The following SDK1 variants were observed in gnomAD, a reference collection of about 807,000 sequenced individuals.
The protein encoded by SDK1 is sidekick cell adhesion molecule 1, also known as protein sidekick-1.
SDK1 carries 157 observed loss-of-function variants against 245.5 expected under a neutral mutation model. That is an observed-to-expected ratio of 0.64 (90% CI 0.56 to 0.73). The LOEUF (loss-of-function observed/expected upper bound fraction) is 0.73, where lower values mean the gene tolerates loss of function less well. SDK1 is among the 30% of genes least tolerant of loss of function. The pLI is 0.00. For synonymous variants in SDK1, 1,647 were observed against 1,278.5 expected (o/e 1.29, Z -6.15); for missense variants, 3,583 against 3,002.3 (o/e 1.19, Z -4.52).
At chr7:3,556,026 A>T (rs1298759761) in intron 1 of SDK1, among the ~76,000 whole-genome samples, 1 of 152,178 alleles carries the variant, frequency 6.6e-6, no homozygotes, top group African/African-American at 2.4e-5. Context: ...CAAAAAAGTA[A>T]AAATAGAGCT....
chr7:4,141,131 G>C (rs1286941326), intron 28 of SDK1, among the ~76,000 whole-genome samples: 1 of 152,206 alleles, frequency 6.6e-6, no homozygotes, highest in Admixed American at 6.5e-5. Context: ...TATCCTCCAA[G>C]GCAAGTGAGG....
intron 1 of SDK1, among the ~76,000 whole-genome samples, chr7:3,364,823 GT>G (rs2128561581): frequency 6.6e-6 from 1 of 152,180 alleles, no homozygotes; most frequent in South Asian, 2.1e-4. Context: ...AAATCTTGCT[GT>G]GATTTTGATA....
intron 1 of SDK1, among the ~76,000 whole-genome samples, chr7:3,612,980 T>C (rs973444905): frequency 1.3e-5 from 2 of 152,236 alleles, no homozygotes; most frequent in South Asian, 2.1e-4. Context: ...TTATTCATTA[T>C]CTCTTTAAAA....
rs140778105 is a variant in SDK1 at position 3,794,684 on chromosome 7, G to A, written c.714-26766G>A. Among the ~76,000 whole-genome samples, 877 of 152,246 alleles carry A rather than the reference G, an allele frequency of 5.8e-3. 6 individuals are homozygous for A. The highest frequency in any genetic ancestry group is 0.02 in the African/African-American group (820 of 41,534). ...AGCAAGAAGGCCCTCCCCAGATATA[G>A]TCCCTCGACCTTGGACTTCTCAGAC... On this transcript the variant is annotated intron_variant, in intron 4 of 44. Transcript: ENST00000404826.
chr7:3,641,262 T>C (rs1198184619), intron 3 of SDK1, among the ~76,000 whole-genome samples: 1 of 152,220 alleles, frequency 6.6e-6, no homozygotes, highest in Admixed American at 6.5e-5. Context: ...GACCATAATA[T>C]GGAATCTTAT....
chr7:3,992,318 C>T, intron 14 of SDK1, among the ~76,000 whole-genome samples: 1 of 152,214 alleles, frequency 6.6e-6, no homozygotes, highest in East Asian at 1.9e-4. Flanking sequence ...ACACGTGGCC[C>T]TCTGCAGGCA....
intron 5 of SDK1, among the ~76,000 whole-genome samples, chr7:3,863,538 C>T (rs765199143): frequency 9.2e-5 from 14 of 152,184 alleles, no homozygotes; most frequent in Non-Finnish European, 1.5e-4. Context: ...ACTTTTCCAT[C>T]GTGCCAAACA....
chr7:4,080,879 AAAG>A (rs1052938597), intron 22 of SDK1, among the ~76,000 whole-genome samples: 108 of 152,336 alleles, frequency 7.1e-4, no homozygotes, highest in African/African-American at 2.5e-3. Flanking sequence ...TACAATAAAA[AAAG>A]AAAAAAGAAA....
chr7:3,466,946 T>C (rs1212858497), intron 1 of SDK1, among the ~76,000 whole-genome samples: 1 of 151,220 alleles, frequency 6.6e-6, no homozygotes, highest in Non-Finnish European at 1.5e-5. Context: ...ATTTTGTCTC[T>C]AGTTACTTCG....
intron 1 of SDK1, among the ~76,000 whole-genome samples, chr7:3,380,103 A>G (rs1265137527): frequency 1.3e-5 from 2 of 152,176 alleles, no homozygotes; most frequent in Non-Finnish European, 2.9e-5. Context: ...CCTAATTTGA[A>G]TTTCAACTTT....
At position 3,834,067 on chromosome 7, in the gene SDK1, C is replaced by T. The variant is rs554248700; in HGVS notation, c.847+12484C>T. ...ACTTATTATAGAGGGAAACAGCTGGCATACTGGCATCAGCCTACACCATTT... is the reference window on the plus strand; with the variant it reads ...ACTTATTATAGAGGGAAACAGCTGGTATACTGGCATCAGCCTACACCATTT... On this transcript the variant is annotated intron_variant, in intron 5 of 44. Transcript: ENST00000404826. Among the ~76,000 whole-genome samples the T allele has an allele frequency of 3.2e-4, 49 of 152,276 alleles. No homozygotes were observed. In the South Asian group the frequency reaches 8.9e-3, roughly 28 times the overall value.
At chr7:3,456,977 C>A (rs971779139) in intron 1 of SDK1, among the ~76,000 whole-genome samples, 38 of 152,240 alleles carry the variant, frequency 2.5e-4, no homozygotes, top group African/African-American at 9.1e-4. Context: ...GATAGGACTC[C>A]CCCGATCCTT....
At chr7:3,880,933 C>T (rs1239921228) in intron 5 of SDK1, among the ~76,000 whole-genome samples, 1 of 152,128 alleles carries the variant, frequency 6.6e-6, no homozygotes, top group South Asian at 2.1e-4. Flanking sequence ...ACTTCAAATA[C>T]ACATGAGGTA....
At chr7:3,778,207 A>T (rs1363643687) in intron 4 of SDK1, among the ~76,000 whole-genome samples, 1 of 152,152 alleles carries the variant, frequency 6.6e-6, no homozygotes, top group Non-Finnish European at 1.5e-5. Context: ...TTTCCTTATT[A>T]AGAAAGAAGT....
intron 29 of SDK1, among the ~76,000 whole-genome samples, chr7:4,146,872 G>A (rs1040105260): frequency 6.6e-6 from 1 of 152,222 alleles, no homozygotes; most frequent in Non-Finnish European, 1.5e-5. Context: ...GAAACTGAGA[G>A]AGTTTTATTA....
chr7:3,603,547 T>A (rs1482602007), intron 1 of SDK1, among the ~76,000 whole-genome samples: 1 of 152,114 alleles, frequency 6.6e-6, no homozygotes, highest in African/African-American at 2.4e-5. Context: ...CCTGAGACTT[T>A]GCTGAAGTTG....
intron 1 of SDK1, among the ~76,000 whole-genome samples, chr7:3,492,555 A>T (rs941202846): frequency 2.0e-5 from 3 of 152,254 alleles, no homozygotes; most frequent in African/African-American, 7.2e-5. Flanking sequence ...ATTGGGGGAT[A>T]CTAAATAAAG....
chr7:4,234,632 G>A (rs1166916672), intron 41 of SDK1, among the ~76,000 whole-genome samples: 1 of 152,182 alleles, frequency 6.6e-6, no homozygotes, highest in Non-Finnish European at 1.5e-5. Context: ...ATGTGCCTGT[G>A]AGGGACTCAA....
chr7:4,157,402 G>A (rs1780809022), intron 30 of SDK1, among the ~76,000 whole-genome samples: 1 of 78,634 alleles, frequency 1.3e-5, no homozygotes, highest in East Asian at 2.3e-4. Context: ...GGGAGGGAGG[G>A]AGGAATGAAG....
Sources: allele counts gnomAD v4.1 joint callset (sites outside exome capture counted in the v4.1 genomes callset), GRCh38; gene constraint gnomAD v4.1.1; transcripts MANE v1.5; gene names NCBI Gene and HGNC (gene_info 2026-07-23, HGNC 2026-07-21).